Variants in IGSF21 observed in about 807,000 individuals in gnomAD.
The protein encoded by IGSF21 is immunoglobin superfamily member 21, also known as immunoglobulin superfamily member 21.
A neutral mutation model predicts 46.8 loss-of-function variants in IGSF21; 28 were observed. The ratio of observed to expected loss-of-function variants is 0.60; its 90% CI spans 0.44 to 0.82. The LOEUF is 0.82. IGSF21 is among the 40% of genes least tolerant of loss of function. IGSF21 has a pLI of 0.00. For missense variants in IGSF21, 624 were observed against 665.5 expected, an observed-to-expected ratio of 0.94 and a Z score of 0.69; for synonymous variants, 284 against 273.6, an observed-to-expected ratio of 1.04 and a Z score of -0.38.
chr1:18,218,859 T>C (rs1461100893), intron 1 of IGSF21, among the ~76,000 whole-genome samples: 1 of 151,774 alleles, frequency 6.6e-6, no homozygotes, highest in Non-Finnish European at 1.5e-5. Flanking sequence ...AATAATGAAA[T>C]AGAAAGGCTC....
chr1:18,377,148 G>A (rs933650533), intron 8 of IGSF21, among the ~76,000 whole-genome samples, 156 bp downstream of exon 8: 11 of 152,156 alleles, frequency 7.2e-5, no homozygotes, highest in African/African-American at 2.2e-4. Flanking sequence ...AGGCAGGGTC[G>A]CTCAGTGGTT....
At chr1:18,247,610 A>G (rs563473256) in intron 2 of IGSF21, among the ~76,000 whole-genome samples, 108 of 152,220 alleles carry the variant, frequency 7.1e-4, no homozygotes, top group Non-Finnish European at 1.3e-3. Context: ...GAGAGAAGTA[A>G]CGCCCCTGGA....
intron 1 of IGSF21, among the ~76,000 whole-genome samples, chr1:18,153,853 A>G (rs9662824): frequency 0.59 from 90,146 of 152,010 alleles, 27,026 homozygotes; most frequent in Middle Eastern, 0.7. Context: ...AGGACTGTCC[A>G]GCTGCATCTC....
intron 1 of IGSF21, among the ~76,000 whole-genome samples, chr1:18,180,733 G>T (rs1219503611): frequency 6.6e-6 from 1 of 152,164 alleles, no homozygotes; most frequent in African/African-American, 2.4e-5. Context: ...TATGCACCTG[G>T]CACTGTTCTA....
intron 1 of IGSF21, among the ~76,000 whole-genome samples, chr1:18,175,780 C>T (rs372011565): frequency 9.8e-5 from 15 of 152,334 alleles, no homozygotes; most frequent in South Asian, 4.1e-4. Context: ...ATGTTCCCTC[C>T]GCCTCCAAAA....
chr1:18,119,048 T>A (rs2086211280), intron 1 of IGSF21, among the ~76,000 whole-genome samples: 2 of 152,112 alleles, frequency 1.3e-5, no homozygotes, highest in African/African-American at 4.8e-5. Flanking sequence ...CACATGGCTA[T>A]GTATTGATTG....
At chr1:18,362,287 G>A in intron 5 of IGSF21, 57 bp downstream of exon 5, 1 of 1,290,574 alleles carries the variant, frequency 7.7e-7, no homozygotes, top group Non-Finnish European at 1.1e-6. Flanking sequence ...CCTGCTTCGG[G>A]GCTGGTCCAG....
rs184045792 is a variant in IGSF21, at chr1:18,251,514, G to T, written c.183+23504G>T. 6.6e-5 allele frequency among the ~76,000 whole-genome samples: 10 copies of T among 152,276 alleles called. No homozygotes were observed. In the East Asian group the frequency reaches 1.9e-3, roughly 29 times the overall value. On this transcript the variant is annotated intron_variant, in intron 2 of 9. Transcript: ENST00000251296. ...TAGTTCCATCCTCTCAATATGCACAGTTACCATCCAAAGGGGGCACAAAAC... is the reference window on the plus strand; with the variant it reads ...TAGTTCCATCCTCTCAATATGCACATTTACCATCCAAAGGGGGCACAAAAC...
intron 2 of IGSF21, among the ~76,000 whole-genome samples, chr1:18,257,355 T>C (rs2084901893): frequency 6.6e-6 from 1 of 152,158 alleles, no homozygotes; most frequent in African/African-American, 2.4e-5. Flanking sequence ...ATATTAATAG[T>C]GGAGAGAATG....
rs1480835112 is a variant in IGSF21, at chr1:18,352,271, TA to T, written c.425-9842del. On this transcript the variant is annotated intron_variant, in intron 4 of 9. Coordinates refer to ENST00000251296, the MANE Select transcript of IGSF21 (RefSeq NM_032880.5). ...CTATGAACCAAGCCCTTAGTTCACATAATTTAGTGGTTCTTAGGACCCTAAT... is the reference window on the plus strand; with the variant it reads ...CTATGAACCAAGCCCTTAGTTCACATATTTAGTGGTTCTTAGGACCCTAAT... Among the ~76,000 whole-genome samples the T allele has an allele frequency of 3.3e-5, 5 of 152,310 alleles. No individual in the cohort carries two copies. The East Asian group carries it at 9.7e-4, about 29-fold the overall frequency.
intron 1 of IGSF21, among the ~76,000 whole-genome samples, chr1:18,181,662 CTCCAAGGATTTG>C (rs1035031892): frequency 1.3e-5 from 2 of 152,094 alleles, no homozygotes; most frequent in African/African-American, 4.8e-5. Context: ...TGAATTTGTC[CTCCAAGGATTTG>C]CAGAAGATGG....
At chr1:18,255,618 C>T (rs1384822566) in intron 2 of IGSF21, among the ~76,000 whole-genome samples, 3 of 152,018 alleles carry the variant, frequency 2.0e-5, no homozygotes, top group Non-Finnish European at 4.4e-5. Context: ...CCTGAAACTC[C>T]CTCTTGATTA....
At chr1:18,273,747 C>T (rs2085074398) in intron 2 of IGSF21, among the ~76,000 whole-genome samples, 3 of 151,694 alleles carry the variant, frequency 2.0e-5, no homozygotes, top group Admixed American at 6.6e-5. Flanking sequence ...CAACACTAGA[C>T]TCTTGAACTT....
At chr1:18,293,003 C>G (rs949586980) in intron 3 of IGSF21, among the ~76,000 whole-genome samples, 3 of 152,236 alleles carry the variant, frequency 2.0e-5, no homozygotes, top group African/African-American at 7.2e-5. Flanking sequence ...GTGAGGGGGA[C>G]TGCAGCCCCG....
chr1:18,200,021 C>A (rs1316569943), intron 1 of IGSF21, among the ~76,000 whole-genome samples: 1 of 152,150 alleles, frequency 6.6e-6, no homozygotes, highest in African/African-American at 2.4e-5. Context: ...AGCCCCTGCT[C>A]CTTCCCCACT....
At chr1:18,144,397 G>A (rs76103494) in intron 1 of IGSF21, among the ~76,000 whole-genome samples, 4,032 of 152,230 alleles carry the variant, frequency 0.026, 86 homozygotes, top group Middle Eastern at 0.14. Context: ...CCAGAGGTAG[G>A]GCTACCCCTA....
At chr1:18,145,302 T>C (rs1187024126) in intron 1 of IGSF21, among the ~76,000 whole-genome samples, 1 of 152,148 alleles carries the variant, frequency 6.6e-6, no homozygotes, top group African/African-American at 2.4e-5. Flanking sequence ...AGCTGCCCAT[T>C]ACCCTGTTCT....
intron 3 of IGSF21, among the ~76,000 whole-genome samples, chr1:18,333,326 T>C (rs1391470581): frequency 6.6e-6 from 1 of 152,182 alleles, no homozygotes; most frequent in African/African-American, 2.4e-5. Flanking sequence ...ATTTCCCCAA[T>C]GCAGCAATGA....
At chr1:18,315,577 G>GGATGGATGGA (rs1557639960) in intron 3 of IGSF21, among the ~76,000 whole-genome samples, 22 of 23,862 alleles carry the variant, frequency 9.2e-4, no homozygotes, top group Non-Finnish European at 1.1e-3. Context: ...GGATGGATGG[G>GGATGGATGGA]TGGATGGGTA....
Sources: allele counts gnomAD v4.1 joint callset (sites outside exome capture counted in the v4.1 genomes callset), GRCh38; gene constraint gnomAD v4.1.1; transcripts MANE v1.5; gene names NCBI Gene and HGNC (gene_info 2026-07-23, HGNC 2026-07-21).